ZPR1: variants seen among roughly 807,000 people sequenced by gnomAD.
The protein encoded by ZPR1 is zinc finger protein ZPR1.
ZPR1 carries 37 observed loss-of-function variants against 59.6 expected under a neutral mutation model. That is an observed-to-expected ratio of 0.62 (90% CI 0.48 to 0.82). ZPR1 has a LOEUF of 0.82. ZPR1 is among the 40% of genes least tolerant of loss of function. The pLI is 0.00. For synonymous variants in ZPR1, 191 were observed against 215.2 expected (o/e 0.89, Z 0.99); for missense variants, 527 against 579.9 (o/e 0.91, Z 0.94).
chr11:116,779,874 A>T, intron 12 of ZPR1, 37 bp from the exon 13 acceptor site: 1 of 1,060,350 alleles, frequency 9.4e-7, no homozygotes, highest in East Asian at 3.7e-5. Flanking sequence ...TAAATTTTAC[A>T]TAACCCCTGG....
Position 116,778,991 on chromosome 11 carries a change from A to G in ZPR1, c.1314T>C (p.Asn438=). Residue 438 remains asparagine (N), a synonymous_variant, in exon 14 of 14, where the codon AAT becomes AAC. Transcript: ENST00000227322. ...TCATGTCATTGAGCCCTAGCTCCTCATTTTGGTCAAAGGTGCGCTTGTAAC... is the reference window on the plus strand; with the variant it reads ...TCATGTCATTGAGCCCTAGCTCCTCGTTTTGGTCAAAGGTGCGCTTGTAAC... ...VERYKRTFDQ[N]EELGLNDMKT... 1 of 1,614,146 alleles carries G rather than the reference A, an allele frequency of 6.2e-7. No individual in the cohort carries two copies. Among genetic ancestry groups the G allele is most frequent in the East Asian group, 2.2e-5 (1 of 44,876 alleles).
At chr11:116,786,211 C>G (rs1395510454) in intron 4 of ZPR1, among the ~76,000 whole-genome samples, 1 of 152,166 alleles carries the variant, frequency 6.6e-6, no homozygotes, top group Non-Finnish European at 1.5e-5. Context: ...TAATATATTA[C>G]TTCTGTCATA....
In ZPR1 at chr11:116,785,806, G is replaced by C; in HGVS notation, c.572C>G (p.Pro191Arg). The C allele has an allele frequency of 6.2e-7, 1 of 1,614,098 alleles. No homozygotes were observed. The highest frequency in any genetic ancestry group is 8.5e-7 in the Non-Finnish European group (1 of 1,179,954). ...KLKELKQVAS[P>R]FTLIIDDPSG... ...CCTCTCAATACTCACCAGAGTGAAA[G>C]GGGAGGCTACTTGCTTTAGCTCCTT... The change falls in exon 5 of 14, where the codon CCT (proline) becomes CGT (arginine). Residue 191 changes from proline (P) to arginine (R), a missense_variant. Coordinates refer to ENST00000227322, the MANE Select transcript of ZPR1 (RefSeq NM_003904.5).
intron 12 of ZPR1, among the ~76,000 whole-genome samples, chr11:116,781,638 C>T (rs540657211): frequency 1.1e-3 from 165 of 152,304 alleles, no homozygotes; most frequent in African/African-American, 3.9e-3. Context: ...ATTTCCCATG[C>T]ACTTTTTCCC....
chr11:116,785,484 G>T (rs988420566), intron 6 of ZPR1, 30 bp downstream of exon 6: 2 of 1,610,252 alleles, frequency 1.2e-6, no homozygotes, highest in African/African-American at 2.7e-5. Context: ...TAATTCCAGA[G>T]CATTCTTCTG....
At chr11:116,782,058 T>C in intron 12 of ZPR1, 100 bp downstream of exon 12, 2 of 782,532 alleles carry the variant, frequency 2.6e-6, no homozygotes, top group Middle Eastern at 2.4e-4. Context: ...ATCCCCAACA[T>C]GATGGTTAGA....
intron 5 of ZPR1, 31 bp from the exon 6 acceptor site, chr11:116,785,667 A>C (rs770050968): frequency 3.3e-5 from 53 of 1,613,908 alleles, no homozygotes; most frequent in Non-Finnish European, 4.5e-5. Context: ...GAGTCACTGC[A>C]AAAGAAAATC....
intron 13 of ZPR1, among the ~76,000 whole-genome samples, 156 bp downstream of exon 13, chr11:116,779,616 C>A (rs1288574085): frequency 4.6e-5 from 7 of 152,034 alleles, no homozygotes; most frequent in African/African-American, 1.7e-4. Context: ...CTCCCACACC[C>A]CCCTCTTTTC....
At chr11:116,779,906 G>A (rs1195815976) in intron 12 of ZPR1, 69 bp from the exon 13 acceptor site, 2 of 420,348 alleles carry the variant, frequency 4.8e-6, no homozygotes, top group South Asian at 2.1e-5. Flanking sequence ...TATGTCGGGG[G>A]AGGGGGGAGG....
Position 116,774,888 on chromosome 11 carries a change from C to G in ZPR1, c.*4037G>C, listed in dbSNP as rs1940701660. 1 of 152,576 alleles carries G rather than the reference C, an allele frequency of 6.6e-6. No homozygotes were observed. The highest frequency in any genetic ancestry group is 6.5e-5 in the Admixed American group (1 of 15,286). 9.5% of individuals were successfully genotyped at this position (152,576 alleles called of 1,614,324 possible). A position where few individuals can be genotyped will look rare whatever the true frequency, so the allele number is the denominator to read the frequency against. On this transcript the variant is annotated 3_prime_UTR_variant, in exon 14 of 14. Transcript: ENST00000227322. ...GCCAGGATAGCCCTCTGAACTTCCA[C>G]CCACCCATCTTCTGCCCATTTGTTT...
intron 9 of ZPR1, 56 bp from the exon 10 acceptor site, chr11:116,783,675 C>T (rs1181809394): frequency 7.0e-7 from 1 of 1,428,934 alleles, no homozygotes; most frequent in Non-Finnish European, 9.9e-7. Flanking sequence ...CACTTGGTAC[C>T]CAGGAGACCT....
intron 8 of ZPR1, 100 bp downstream of exon 8, chr11:116,784,755 A>G: frequency 4.1e-6 from 5 of 1,229,628 alleles, no homozygotes; most frequent in Non-Finnish European, 3.6e-6. Context: ...ATCACTGGGT[A>G]TAAAGCATGT....
intron 12 of ZPR1, 142 bp from the exon 13 acceptor site, chr11:116,779,979 G>A (rs1173939345): frequency 2.5e-6 from 1 of 396,290 alleles, no homozygotes; most frequent in Non-Finnish European, 4.9e-6. Flanking sequence ...CACCAACATG[G>A]CACATGTATA....
rs1029859234 is a variant in ZPR1 at position 116,775,902 on chromosome 11, A to C, written c.*3023T>G. ...AACATTTTTTAATAGGAATAAAGCC[A>C]AGTAGTCTTAGCCACCACTGCCCTA... On this transcript the variant is annotated 3_prime_UTR_variant, in exon 14 of 14. Coordinates refer to ENST00000227322, the MANE Select transcript of ZPR1 (RefSeq NM_003904.5). 3 of 153,266 alleles carry C rather than the reference A, an allele frequency of 2.0e-5. No homozygotes were observed. The East Asian group carries it at 5.8e-4, about 29-fold the overall frequency. 9.5% of individuals were successfully genotyped at this position (153,266 alleles called of 1,614,324 possible).
At position 116,773,911 on chromosome 11, in the gene ZPR1, TAAG is replaced by T. The variant is rs1940685684; in HGVS notation, c.*5011_*5013del. ...TCGTTTCATTATCATATTTTACAGA[TAAG>T]AACTGAAGCGTGGCAAGATTAAGGA... is the stretch of plus-strand genomic sequence containing the variant. On this transcript the variant is annotated 3_prime_UTR_variant, in exon 14 of 14. Coordinates refer to ENST00000227322, the MANE Select transcript of ZPR1 (RefSeq NM_003904.5). 2.0e-5 allele frequency: 3 copies of T among 152,202 alleles called. No homozygotes were observed. Among genetic ancestry groups the T allele is most frequent in the Admixed American group, 1.3e-4 (2 of 15,274 alleles). The allele number at this position is 152,202 out of a possible 1,614,324, so 9.4% of individuals were successfully genotyped here. A position where few individuals can be genotyped will look rare whatever the true frequency, so the allele number is the denominator to read the frequency against.
intron 1 of ZPR1, 62 bp downstream of exon 1, chr11:116,787,758 C>A: frequency 6.6e-7 from 1 of 1,523,608 alleles, no homozygotes; most frequent in East Asian, 2.4e-5. Context: ...TGGGTCTGAC[C>A]CCCGGCTCGT....
intron 1 of ZPR1, 33 bp from the exon 2 acceptor site, chr11:116,787,676 T>C: frequency 6.3e-7 from 1 of 1,595,400 alleles, no homozygotes; most frequent in Non-Finnish European, 8.6e-7. Flanking sequence ...AGGAAAAAAA[T>C]CAATGAAACT....
chr11:116,779,965 A>G (rs547276054), intron 12 of ZPR1, 128 bp from the exon 13 acceptor site: 1 of 476,306 alleles, frequency 2.1e-6, no homozygotes, highest in South Asian at 2.3e-5. Context: ...TAATGGGTAC[A>G]GCACACCAAC....
Position 116,776,625 on chromosome 11 carries a change from T to G in ZPR1, c.*2300A>C, listed in dbSNP as rs1468613531. 1 of 152,242 alleles carries G rather than the reference T, an allele frequency of 6.6e-6. No homozygotes were observed. Among genetic ancestry groups the G allele is most frequent in the African/African-American group, 2.4e-5 (1 of 41,464 alleles). The allele number at this position is 152,242 out of a possible 1,614,324, so 9.4% of individuals were successfully genotyped here. A position where few individuals can be genotyped will look rare whatever the true frequency, so the allele number is the denominator to read the frequency against. On this transcript the variant is annotated 3_prime_UTR_variant, in exon 14 of 14. Transcript: ENST00000227322. The stretch of plus-strand genomic sequence containing the variant: ...GTTATCCCAGTCTGGCACCTGGTCC[T>G]CAGTCTTCAAGTTCAGAAACTCAGG...
Sources: gnomAD v4.1 joint callset for allele counts (sites outside exome capture counted in the v4.1 genomes callset) on GRCh38, gnomAD v4.1.1 for gene constraint, MANE v1.5 for transcripts, NCBI Gene and HGNC (gene_info 2026-07-23, HGNC 2026-07-21) for gene names.